The following HSD17B3 variants were observed in gnomAD, a reference collection of about 807,000 sequenced individuals.
HSD17B3 encodes the protein 17-beta-hydroxysteroid dehydrogenase type 3.
Under a neutral mutation model 41.1 loss-of-function variants are expected in HSD17B3, and 29 were observed. That is an observed-to-expected ratio of 0.71 (90% confidence interval 0.53 to 0.96). The LOEUF is 0.96. Ranked by LOEUF, HSD17B3 falls within the 40% of genes least tolerant of loss-of-function variation. The pLI is 0.00. For missense variants in HSD17B3, 323 were observed against 374.6 expected, an observed-to-expected ratio of 0.86 and a Z score of 1.14; for synonymous variants, 126 against 145.6, an observed-to-expected ratio of 0.87 and a Z score of 0.97.
At chr9:96,272,413 A>C (rs373208350) in intron 2 of HSD17B3, among the ~76,000 whole-genome samples, 3,487 of 11,092 alleles carry the variant, frequency 0.31, 227 homozygotes, top group Middle Eastern at 0.38. Flanking sequence ...CTCTATATAT[A>C]TATATATATA....
In HSD17B3 at chr9:96,245,330, C is replaced by A; in HGVS notation, c.606+15G>T. The A allele has an allele frequency of 1.3e-6, 2 of 1,592,368 alleles. No homozygotes were observed. Among genetic ancestry groups the A allele is most frequent in the South Asian group, 2.2e-5 (2 of 90,672 alleles). On this transcript the variant is annotated intron_variant, in intron 8 of 10. Transcript: ENST00000375263. ...AGGAAGAAGGAAGAGACTTGGAAGT[C>A]ATGACATCACTCACCTTGGAAGCTG...
chr9:96,264,948 T>A (rs7043341), intron 2 of HSD17B3, among the ~76,000 whole-genome samples: 78,626 of 152,110 alleles, frequency 0.52, 20,522 homozygotes, highest in Middle Eastern at 0.57. Flanking sequence ...TATGTTAAAT[T>A]GTTAAAGAAA....
chr9:96,273,765 T>C (rs983172289), intron 2 of HSD17B3, among the ~76,000 whole-genome samples: 1 of 152,064 alleles, frequency 6.6e-6, no homozygotes, highest in African/African-American at 2.4e-5. Context: ...GACCCCACAA[T>C]CTTTGCCAAC....
At chr9:96,242,008 A>AAAGAGG (rs1836475832) in intron 9 of HSD17B3, among the ~76,000 whole-genome samples, 6 of 149,022 alleles carry the variant, frequency 4.0e-5, no homozygotes, top group Admixed American at 3.3e-4. Context: ...AAAGAAAGAG[A>AAAGAGG]AAGAAAAGAA....
intron 9 of HSD17B3, among the ~76,000 whole-genome samples, chr9:96,241,409 G>A (rs62557538): frequency 1.3e-5 from 2 of 152,188 alleles, no homozygotes; most frequent in African/African-American, 2.4e-5. Flanking sequence ...TATAACCAAA[G>A]TTGGAGCAAC....
At chr9:96,293,030 A>G (rs1827212379) in intron 2 of HSD17B3, among the ~76,000 whole-genome samples, 2 of 152,238 alleles carry the variant, frequency 1.3e-5, no homozygotes, top group African/African-American at 4.8e-5. Flanking sequence ...CCCTAAAATA[A>G]TAGCTAAAGG....
intron 4 of HSD17B3, among the ~76,000 whole-genome samples, chr9:96,252,002 A>G (rs1463227016): frequency 2.0e-5 from 3 of 152,232 alleles, no homozygotes; most frequent in African/African-American, 7.2e-5. Context: ...TTTCTTCTAT[A>G]TATACCATAA....
intron 2 of HSD17B3, among the ~76,000 whole-genome samples, chr9:96,285,011 G>C (rs1257101571): frequency 1.3e-5 from 2 of 151,824 alleles, no homozygotes; most frequent in African/African-American, 4.8e-5. Context: ...GCTAATTTTT[G>C]TATTTTTAGT....
At chr9:96,271,570 C>A (rs991322331) in intron 2 of HSD17B3, among the ~76,000 whole-genome samples, 2 of 152,104 alleles carry the variant, frequency 1.3e-5, no homozygotes, top group Non-Finnish European at 2.9e-5. Context: ...GATTTCTTCC[C>A]CTTCTTTCCT....
At chr9:96,257,760 T>C (rs1269618551) in intron 2 of HSD17B3, among the ~76,000 whole-genome samples, 2 of 152,212 alleles carry the variant, frequency 1.3e-5, no homozygotes, top group African/African-American at 4.8e-5. Flanking sequence ...TTAGTATATA[T>C]GAGTAAACTA....
intron 10 of HSD17B3, among the ~76,000 whole-genome samples, chr9:96,237,516 G>C (rs1836278982): frequency 6.6e-6 from 1 of 152,226 alleles, no homozygotes; most frequent in Non-Finnish European, 1.5e-5. Flanking sequence ...CAGGGTCTCT[G>C]TAGGTAGGGG....
chr9:96,251,516 C>T, intron 4 of HSD17B3, 31 bp from the exon 5 acceptor site: 1 of 1,588,750 alleles, frequency 6.3e-7, no homozygotes, highest in South Asian at 1.1e-5. Flanking sequence ...AAAAATGTGT[C>T]AGAAGATCAG....
intron 4 of HSD17B3, 69 bp from the exon 5 acceptor site, chr9:96,251,554 A>C (rs879244927): frequency 2.2e-6 from 3 of 1,377,186 alleles, no homozygotes; most frequent in Admixed American, 3.5e-5. Context: ...AGAACCATGT[A>C]CAAAAAGATT....
intron 2 of HSD17B3, among the ~76,000 whole-genome samples, chr9:96,255,932 CAG>C (rs1338835399): frequency 2.0e-5 from 3 of 152,118 alleles, no homozygotes; most frequent in African/African-American, 7.2e-5. Context: ...ACAGAGCAGT[CAG>C]AGAGATTCCG....
chr9:96,290,352 C>T (rs1413525438), intron 2 of HSD17B3, among the ~76,000 whole-genome samples: 1 of 151,558 alleles, frequency 6.6e-6, no homozygotes, highest in Non-Finnish European at 1.5e-5. Context: ...TCAAAAAAAA[C>T]CTGGACACAA....
chr9:96,284,472 G>T (rs2130781705), intron 2 of HSD17B3, among the ~76,000 whole-genome samples: 1 of 152,298 alleles, frequency 6.6e-6, no homozygotes, highest in Middle Eastern at 3.4e-3. Flanking sequence ...ATTTGCATAA[G>T]TGCAAAAAGA....
chr9:96,244,196 CCA>C, intron 9 of HSD17B3, 131 bp downstream of exon 9: 1 of 900,310 alleles, frequency 1.1e-6, no homozygotes. Context: ...TTCCTGTTGA[CCA>C]CACATGAGCA....
At chr9:96,239,236 C>T (rs1411222822) in intron 10 of HSD17B3, 2 of 152,404 alleles carry the variant, frequency 1.3e-5, no homozygotes, top group African/African-American at 4.8e-5. Flanking sequence ...AGGGCATCCT[C>T]TCCCAGCGCC....
At chr9:96,250,086 G>GC (rs1836833938) in intron 5 of HSD17B3, 1 of 1,359,672 alleles carries the variant, frequency 7.4e-7, no homozygotes, top group Admixed American at 3.1e-5. Context: ...TTCAAAGGGA[G>GC]CTACTCCATT....
Sources: allele counts gnomAD v4.1 joint callset (sites outside exome capture counted in the v4.1 genomes callset), GRCh38; gene constraint gnomAD v4.1.1; transcripts MANE v1.5; gene names NCBI Gene and HGNC (gene_info 2026-07-23, HGNC 2026-07-21).